Variants in COL22A1 observed in about 807,000 individuals in gnomAD.
COL22A1 encodes the protein collagen type XXII alpha 1 chain.
In COL22A1, 221 loss-of-function variants were observed where a neutral mutation model predicts 248.9. The observed-to-expected ratio is 0.89, with a 90% confidence interval of 0.80 to 0.99. The LOEUF (loss-of-function observed/expected upper bound fraction) is 0.99, where lower values mean the gene tolerates loss of function less well. COL22A1 is among the 50% of genes least tolerant of loss of function. The pLI is 0.00. For synonymous variants in COL22A1, 891 were observed against 793.4 expected, an observed-to-expected ratio of 1.12 and a Z score of -2.07; for missense variants, 2,240 against 2,179.0, an observed-to-expected ratio of 1.03 and a Z score of -0.56.
chr8:138,864,003 A>G (rs907681023), intron 3 of COL22A1, among the ~76,000 whole-genome samples: 2 of 152,088 alleles, frequency 1.3e-5, no homozygotes, highest in Non-Finnish European at 2.9e-5. Flanking sequence ...CCCCAGAAAA[A>G]AAGAAAAACA....
intron 2 of COL22A1, among the ~76,000 whole-genome samples, chr8:138,879,211 T>C (rs1354200559): frequency 6.6e-6 from 1 of 152,186 alleles, no homozygotes; most frequent in Non-Finnish European, 1.5e-5. Context: ...TAGAAATCCA[T>C]TTCTGGTTTG....
At chr8:138,821,582 T>C (rs1057451216) in intron 6 of COL22A1, among the ~76,000 whole-genome samples, 171 bp from the exon 7 acceptor site, 7 of 152,182 alleles carry the variant, frequency 4.6e-5, no homozygotes. Context: ...GTCACACCTC[T>C]GAGAGCCTCG....
chr8:138,764,692 C>T (rs1319327537), intron 16 of COL22A1, among the ~76,000 whole-genome samples: 1 of 152,242 alleles, frequency 6.6e-6, no homozygotes, highest in Admixed American at 6.5e-5. Flanking sequence ...TTCCCAGTGG[C>T]TCATGCCTGT....
intron 4 of COL22A1, among the ~76,000 whole-genome samples, chr8:138,843,297 CG>C (rs1357684321): frequency 6.6e-6 from 1 of 152,150 alleles, no homozygotes; most frequent in Non-Finnish European, 1.5e-5. Flanking sequence ...CCAAACACTT[CG>C]TCCTGACCTC....
At chr8:138,751,390 A>G (rs534874360) in intron 22 of COL22A1, 68 bp downstream of exon 22, 2 of 1,089,630 alleles carry the variant, frequency 1.8e-6, no homozygotes, top group South Asian at 2.8e-5. Context: ...TCTTCTCTGC[A>G]TGGCATTATA....
chr8:138,749,301 G>T (rs929652025), intron 22 of COL22A1, among the ~76,000 whole-genome samples: 1 of 152,118 alleles, frequency 6.6e-6, no homozygotes, highest in East Asian at 1.9e-4. Context: ...AGTGAGCTCT[G>T]GGCAAGATGT....
chr8:138,671,023 C>T (rs907718044), intron 41 of COL22A1, among the ~76,000 whole-genome samples: 3 of 135,122 alleles, frequency 2.2e-5, no homozygotes, highest in African/African-American at 8.2e-5. Context: ...TGAACACGAA[C>T]TTTTGTTACC....
chr8:138,829,910 A>G (rs927818479), intron 5 of COL22A1, among the ~76,000 whole-genome samples: 6 of 152,222 alleles, frequency 3.9e-5, no homozygotes, highest in African/African-American at 1.4e-4. Flanking sequence ...TGCTTAGGTT[A>G]TACACACACA....
At position 138,594,200 on chromosome 8, in the gene COL22A1, C is replaced by T; in HGVS notation, c.4433-1G>A. 1 of 1,566,412 alleles carries T rather than the reference C, an allele frequency of 6.4e-7. No homozygotes were observed. The highest frequency in any genetic ancestry group is 1.2e-5 in the South Asian group (1 of 84,498). On this transcript the variant is annotated splice_acceptor_variant, in intron 62 of 64. Transcript: ENST00000303045. LOFTEE classifies it high-confidence loss of function. ...TGGGCCAGGAGGTAGGCGAGTCTGG[C>T]TGTAAAGTAGAAAAAGAGAGGCATT...
intron 41 of COL22A1, among the ~76,000 whole-genome samples, chr8:138,665,623 G>A (rs966242737): frequency 1.3e-5 from 2 of 152,206 alleles, no homozygotes; most frequent in Non-Finnish European, 2.9e-5. Context: ...AGCATACAGA[G>A]CAGCTAAAGG....
At chr8:138,908,055 C>T (rs944929360) in intron 1 of COL22A1, among the ~76,000 whole-genome samples, 7 of 152,196 alleles carry the variant, frequency 4.6e-5, no homozygotes, top group Admixed American at 4.6e-4. Flanking sequence ...CACTCCCCCA[C>T]ACAAAGGCTC....
chr8:138,611,071 A>C (rs1257284781), intron 56 of COL22A1, among the ~76,000 whole-genome samples: 1 of 152,162 alleles, frequency 6.6e-6, no homozygotes, highest in African/African-American at 2.4e-5. Context: ...GTCTCAAAAA[A>C]AGAAGTCACT....
At chr8:138,762,608 AC>A (rs1390160847) in intron 16 of COL22A1, 142 bp from the exon 17 acceptor site, 7 of 602,544 alleles carry the variant, frequency 1.2e-5, no homozygotes, top group Admixed American at 2.9e-5. Flanking sequence ...ACACACACAC[AC>A]AACAGCCCTA....
intron 7 of COL22A1, among the ~76,000 whole-genome samples, chr8:138,814,447 G>T (rs1162883640): frequency 6.6e-6 from 1 of 152,124 alleles, no homozygotes; most frequent in East Asian, 1.9e-4. Flanking sequence ...CTCTCTGTGT[G>T]TCCCTCTCTC....
intron 2 of COL22A1, among the ~76,000 whole-genome samples, chr8:138,882,695 CTT>C (rs760963728): frequency 1.1e-3 from 161 of 146,880 alleles, no homozygotes; most frequent in Non-Finnish European, 2.0e-3. Context: ...CTCCCACACA[CTT>C]TGTCAAACAC....
At chr8:138,878,836 T>C (rs1056330851) in intron 2 of COL22A1, among the ~76,000 whole-genome samples, 6 of 151,988 alleles carry the variant, frequency 3.9e-5, no homozygotes, top group Non-Finnish European at 5.9e-5. Context: ...TGAAACCCCA[T>C]CTCTACTAAA....
intron 46 of COL22A1, among the ~76,000 whole-genome samples, chr8:138,649,244 G>T (rs6988358): frequency 1.1e-4 from 16 of 152,162 alleles, no homozygotes; most frequent in African/African-American, 3.4e-4. Flanking sequence ...GTCATAAACA[G>T]GTAATGACAA....
chr8:138,818,719 G>A (rs1047301201), intron 7 of COL22A1, among the ~76,000 whole-genome samples: 18 of 152,242 alleles, frequency 1.2e-4, no homozygotes, highest in African/African-American at 4.3e-4. Context: ...GCACTTTAGT[G>A]CAATGCGTGG....
chr8:138,787,892 C>T (rs1346926971), intron 12 of COL22A1, among the ~76,000 whole-genome samples: 2 of 152,314 alleles, frequency 1.3e-5, no homozygotes, highest in Non-Finnish European at 1.5e-5. Flanking sequence ...GCATCCAGAG[C>T]CCCAGGGATC....
Sources: gnomAD v4.1 joint callset for allele counts (sites outside exome capture counted in the v4.1 genomes callset) on GRCh38, gnomAD v4.1.1 for gene constraint, MANE v1.5 for transcripts, NCBI Gene and HGNC (gene_info 2026-07-23, HGNC 2026-07-21) for gene names.